GRIP1: variants seen among roughly 807,000 people sequenced by gnomAD.
GRIP1 encodes the protein glutamate receptor interacting protein 1.
Under a neutral mutation model 129.9 loss-of-function variants are expected in GRIP1, and 45 were observed. The ratio of observed to expected loss-of-function variants is 0.35; its 90% confidence interval spans 0.27 to 0.44. The LOEUF (loss-of-function observed/expected upper bound fraction) is 0.44, where lower values mean the gene tolerates loss of function less well. Ranked by LOEUF, GRIP1 falls within the 20% of genes least tolerant of loss-of-function variation. The pLI is 1.00. For synonymous variants in GRIP1, 530 were observed against 520.8 expected, an observed-to-expected ratio of 1.02 and a Z score of -0.24; for missense variants, 1,196 against 1,396.8, an observed-to-expected ratio of 0.86 and a Z score of 2.29.
intron 1 of GRIP1, among the ~76,000 whole-genome samples, chr12:66,605,853 T>C (rs2139834436): frequency 1.3e-5 from 2 of 152,342 alleles, no homozygotes; most frequent in South Asian, 4.1e-4. Context: ...CACCACTGTT[T>C]AGACTCAGTT....
intron 5 of GRIP1, among the ~76,000 whole-genome samples, chr12:66,528,134 G>GTTTTTTTTGTTTT (rs2061320824): frequency 1.0e-5 from 1 of 99,244 alleles, no homozygotes; most frequent in African/African-American, 4.7e-5. Flanking sequence ...GAATTAGTAG[G>GTTTTTTTTGTTTT]TTTTTTTTTT....
intron 1 of GRIP1, among the ~76,000 whole-genome samples, chr12:66,975,366 C>T (rs755703219): frequency 2.6e-5 from 4 of 152,276 alleles, no homozygotes; most frequent in South Asian, 4.2e-4. Flanking sequence ...CTAGACTAAA[C>T]GAAGGCTCTC....
intron 1 of GRIP1, among the ~76,000 whole-genome samples, chr12:66,844,868 G>T (rs528864970): frequency 6.6e-6 from 1 of 152,278 alleles, no homozygotes; most frequent in African/African-American, 2.4e-5. Context: ...CACAAAAAAA[G>T]AAATATCACA....
chr12:66,415,428 C>T (rs1384242403), intron 15 of GRIP1, among the ~76,000 whole-genome samples: 5 of 152,030 alleles, frequency 3.3e-5, no homozygotes, highest in African/African-American at 9.7e-5. Flanking sequence ...CAACAGATGC[C>T]GGTGAGGTTG....
At chr12:66,598,350 T>C (rs904111040) in intron 1 of GRIP1, among the ~76,000 whole-genome samples, 2 of 152,226 alleles carry the variant, frequency 1.3e-5, no homozygotes, top group Admixed American at 6.5e-5. Context: ...CGCTGTTTCA[T>C]GTTTATATTT....
At chr12:66,727,588 T>A (rs1406392368) in intron 1 of GRIP1, among the ~76,000 whole-genome samples, 1 of 152,148 alleles carries the variant, frequency 6.6e-6, no homozygotes, top group Middle Eastern at 3.2e-3. Flanking sequence ...GATTTTGGGG[T>A]TGTCTGTTAT....
At chr12:66,492,578 T>G (rs1026700122) in intron 7 of GRIP1, among the ~76,000 whole-genome samples, 1 of 152,142 alleles carries the variant, frequency 6.6e-6, no homozygotes, top group African/African-American at 2.4e-5. Flanking sequence ...TTGAATTCAG[T>G]GAGTCCCCAA....
At position 66,857,762 on chromosome 12, in the gene GRIP1, G is replaced by T. The variant is rs146964021; in HGVS notation, c.58+211288C>A. On this transcript the variant is annotated intron_variant, in intron 1 of 1. Transcript: ENST00000643019. Reference sequence around the variant, plus strand: ...TATCATCATATAAATTCAAAATAGGGAGACAAGAATAAGAGTAGTAAGCTA... The same window carrying T: ...TATCATCATATAAATTCAAAATAGGTAGACAAGAATAAGAGTAGTAAGCTA... Among the ~76,000 whole-genome samples, 553 of 151,974 alleles carry T rather than the reference G, an allele frequency of 3.6e-3. 3 individuals carry two copies. Among genetic ancestry groups the T allele is most frequent in the Middle Eastern group, 6.8e-3 (2 of 294 alleles).
At chr12:66,835,203 C>A (rs2039591890) in intron 1 of GRIP1, among the ~76,000 whole-genome samples, 1 of 152,004 alleles carries the variant, frequency 6.6e-6, no homozygotes, top group South Asian at 2.1e-4. Flanking sequence ...AGATACAGAG[C>A]AACAGGAACT....
intron 1 of GRIP1, among the ~76,000 whole-genome samples, chr12:66,879,564 C>G (rs1449748960): frequency 6.6e-6 from 1 of 152,040 alleles, no homozygotes; most frequent in Admixed American, 6.6e-5. Flanking sequence ...AAACAGCACT[C>G]AGAATCGCCT....
chr12:66,613,667 A>G (rs2064912090), intron 1 of GRIP1, among the ~76,000 whole-genome samples: 1 of 152,194 alleles, frequency 6.6e-6, no homozygotes, highest in Non-Finnish European at 1.5e-5. Context: ...AAATACGGCA[A>G]AAGATGATTA....
chr12:66,793,766 T>C (rs958653584), intron 1 of GRIP1, among the ~76,000 whole-genome samples: 2 of 152,208 alleles, frequency 1.3e-5, no homozygotes, highest in African/African-American at 2.4e-5. Context: ...ATTCCTGCCA[T>C]GGCTCTCAGC....
chr12:66,349,288 C>G, intron 24 of GRIP1, 42 bp from the exon 25 acceptor site: 3 of 1,477,174 alleles, frequency 2.0e-6, no homozygotes, highest in South Asian at 1.1e-5. Flanking sequence ...TCGTTGTAAC[C>G]ATAATTCCCA....
chr12:66,685,679 G>C (rs1029453691), intron 1 of GRIP1, among the ~76,000 whole-genome samples: 3 of 152,126 alleles, frequency 2.0e-5, no homozygotes, highest in Non-Finnish European at 1.5e-5. Flanking sequence ...CAGCAGCTAG[G>C]TTAGATCAAG....
chr12:66,989,580 T>C (rs1160618986), intron 1 of GRIP1, among the ~76,000 whole-genome samples: 1 of 152,184 alleles, frequency 6.6e-6, no homozygotes, highest in African/African-American at 2.4e-5. Flanking sequence ...TCCGAATAGG[T>C]TATTAATCAT....
At chr12:66,638,028 A>G (rs566602631) in intron 1 of GRIP1, among the ~76,000 whole-genome samples, 6 of 152,330 alleles carry the variant, frequency 3.9e-5, no homozygotes, top group Admixed American at 1.3e-4. Flanking sequence ...AAGACTCCAC[A>G]TGGTGTATGT....
chr12:66,709,516 A>G (rs947727435), intron 1 of GRIP1, among the ~76,000 whole-genome samples: 1 of 151,758 alleles, frequency 6.6e-6, no homozygotes, highest in African/African-American at 2.4e-5. Flanking sequence ...TAGTGTGAAT[A>G]TTTTTTCTGT....
intron 1 of GRIP1, among the ~76,000 whole-genome samples, chr12:66,773,722 A>C (rs1271837255): frequency 2.6e-5 from 4 of 152,200 alleles, no homozygotes; most frequent in Non-Finnish European, 5.9e-5. Context: ...AAACAAAAAG[A>C]AAATAAAAGA....
At chr12:66,928,914 A>G (rs2041341100) in intron 1 of GRIP1, among the ~76,000 whole-genome samples, 1 of 152,216 alleles carries the variant, frequency 6.6e-6, no homozygotes, top group Admixed American at 6.5e-5. Flanking sequence ...ATCCCCAGGG[A>G]AAGATGGTAT....
Sources: allele counts gnomAD v4.1 joint callset (sites outside exome capture counted in the v4.1 genomes callset), GRCh38; gene constraint gnomAD v4.1.1; transcripts MANE v1.5; gene names NCBI Gene and HGNC (gene_info 2026-07-23, HGNC 2026-07-21).